NRG1: variants seen among roughly 807,000 people sequenced by gnomAD.
The protein encoded by NRG1 is neuregulin 1.
In NRG1, 18 loss-of-function variants were observed where a neutral mutation model predicts 63.8. The observed-to-expected ratio is 0.28, with a 90% CI of 0.19 to 0.42. NRG1 has a LOEUF of 0.42. NRG1 is among the 10% of genes least tolerant of loss of function. The pLI, the probability that NRG1 is intolerant of heterozygous loss-of-function variation, is 1.00. For missense variants in NRG1, 762 were observed against 814.7 expected, an observed-to-expected ratio of 0.94 and a Z score of 0.79; for synonymous variants, 302 against 301.3, an observed-to-expected ratio of 1.00 and a Z score of -0.02.
At chr8:32,554,954 A>G (rs1199162102) in intron 1 of NRG1, among the ~76,000 whole-genome samples, 1 of 149,482 alleles carries the variant, frequency 6.7e-6, no homozygotes, top group Non-Finnish European at 1.5e-5. Context: ...TTACTGCAGT[A>G]TTCTGGGCAA....
intron 1 of NRG1, among the ~76,000 whole-genome samples, chr8:31,771,261 T>C (rs1243915383): frequency 2.0e-5 from 3 of 152,206 alleles, no homozygotes; most frequent in Admixed American, 1.3e-4. Context: ...CCTTTTGAGA[T>C]TGACTTTTTT....
intron 1 of NRG1, among the ~76,000 whole-genome samples, chr8:32,566,465 G>A (rs1387733835): frequency 6.6e-6 from 1 of 151,958 alleles, no homozygotes; most frequent in East Asian, 1.9e-4. Flanking sequence ...ATGTGAAGAG[G>A]GTCTACTCTA....
chr8:32,076,314 C>T (rs1197222751), intron 1 of NRG1, among the ~76,000 whole-genome samples: 1 of 152,016 alleles, frequency 6.6e-6, no homozygotes, highest in African/African-American at 2.4e-5. Context: ...TTGGTTGGCT[C>T]TTATCTCTGT....
At chr8:32,751,587 G>A (rs531108227) in intron 7 of NRG1, among the ~76,000 whole-genome samples, 2 of 152,274 alleles carry the variant, frequency 1.3e-5, no homozygotes, top group African/African-American at 4.8e-5. Flanking sequence ...GCCAAACCAT[G>A]AAAAATTCAA....
At chr8:32,439,780 T>C (rs1030117439) in intron 1 of NRG1, among the ~76,000 whole-genome samples, 9 of 151,602 alleles carry the variant, frequency 5.9e-5, no homozygotes, top group Non-Finnish European at 1.3e-4. Flanking sequence ...GATTTTTTTT[T>C]TTTTTTTTGA....
chr8:31,717,412 TAA>T (rs34835652), intron 1 of NRG1, among the ~76,000 whole-genome samples: 3,487 of 126,270 alleles, frequency 0.028, 113 homozygotes, highest in African/African-American at 0.083. Flanking sequence ...ATCTCGACAT[TAA>T]AAAAAAAAAA....
At chr8:32,137,826 A>C (rs1585579725) in intron 1 of NRG1, among the ~76,000 whole-genome samples, 1 of 152,196 alleles carries the variant, frequency 6.6e-6, no homozygotes, top group East Asian at 1.9e-4. Flanking sequence ...CAGGCCAGTC[A>C]GTATTGATTC....
At chr8:31,886,742 A>G (rs555443972) in intron 1 of NRG1, among the ~76,000 whole-genome samples, 55 of 152,186 alleles carry the variant, frequency 3.6e-4, no homozygotes, top group African/African-American at 1.2e-3. Context: ...GGCATCATCA[A>G]TGATTCGAAT....
chr8:32,350,334 A>G (rs1293923435), intron 1 of NRG1, among the ~76,000 whole-genome samples: 1 of 152,200 alleles, frequency 6.6e-6, no homozygotes, highest in Non-Finnish European at 1.5e-5. Context: ...GTTCTCCGGT[A>G]TCAGGAGTTG....
At chr8:31,665,460 T>G (rs1297468756) in intron 1 of NRG1, among the ~76,000 whole-genome samples, 2 of 152,154 alleles carry the variant, frequency 1.3e-5, no homozygotes, top group African/African-American at 2.4e-5. Context: ...TAAACAGTGG[T>G]CTAGGTTTGG....
At chr8:32,261,990 A>G (rs1484084804) in intron 1 of NRG1, among the ~76,000 whole-genome samples, 1 of 152,156 alleles carries the variant, frequency 6.6e-6, no homozygotes, top group Non-Finnish European at 1.5e-5. Flanking sequence ...GATCGCCTTG[A>G]ATTCAAACCC....
intron 1 of NRG1, among the ~76,000 whole-genome samples, chr8:32,508,974 A>G (rs2129499590): frequency 6.6e-6 from 1 of 152,028 alleles, no homozygotes; most frequent in East Asian, 1.9e-4. Context: ...ACCTCAAACG[A>G]TTTACCCACT....
intron 1 of NRG1, among the ~76,000 whole-genome samples, chr8:32,397,521 C>T (rs1034377576): frequency 1.9e-5 from 2 of 104,570 alleles, no homozygotes; most frequent in African/African-American, 8.0e-5. Flanking sequence ...TCTGACTTAA[C>T]ATCAAAAAAA....
At chr8:32,259,842 C>G (rs1388452701) in intron 1 of NRG1, among the ~76,000 whole-genome samples, 1 of 152,082 alleles carries the variant, frequency 6.6e-6, no homozygotes, top group African/African-American at 2.4e-5. Context: ...TTTATGAGGG[C>G]TTTTTTTCTT....
chr8:31,852,567 C>T (rs1827359773), intron 1 of NRG1, among the ~76,000 whole-genome samples: 2 of 151,370 alleles, frequency 1.3e-5, no homozygotes, highest in African/African-American at 4.8e-5. Flanking sequence ...GTTGCCTGTT[C>T]ACTCTGATGG....
At chr8:32,013,448 G>T (rs778519554) in intron 1 of NRG1, among the ~76,000 whole-genome samples, 12 of 152,052 alleles carry the variant, frequency 7.9e-5, no homozygotes, top group Non-Finnish European at 5.9e-5. Context: ...GCTAATAACT[G>T]GCATGGATGG....
At chr8:32,140,694 C>G (rs1836133150) in intron 1 of NRG1, among the ~76,000 whole-genome samples, 1 of 152,084 alleles carries the variant, frequency 6.6e-6, no homozygotes, top group African/African-American at 2.4e-5. Context: ...AACTCCTGGG[C>G]TCAAGTGATC....
chr8:31,990,905 T>A (rs767673693), intron 1 of NRG1, among the ~76,000 whole-genome samples: 32 of 152,224 alleles, frequency 2.1e-4, no homozygotes, highest in Non-Finnish European at 4.0e-4. Flanking sequence ...CAGATGAAAC[T>A]GGAATTCCTT....
intron 1 of NRG1, among the ~76,000 whole-genome samples, chr8:32,050,246 A>G (rs1821766992): frequency 6.6e-6 from 1 of 152,154 alleles, no homozygotes; most frequent in South Asian, 2.1e-4. Flanking sequence ...AACAAACAAA[A>G]TATATTTTCT....
Sources: gnomAD v4.1 joint callset for allele counts (sites outside exome capture counted in the v4.1 genomes callset) on GRCh38, gnomAD v4.1.1 for gene constraint, MANE v1.5 for transcripts, NCBI Gene and HGNC (gene_info 2026-07-23, HGNC 2026-07-21) for gene names.